TG: variants seen among roughly 807,000 people sequenced by gnomAD.
TG encodes thyroid hormones.
A neutral mutation model predicts 324.7 loss-of-function variants in TG; 270 were observed. The ratio of observed to expected loss-of-function variants is 0.83; its 90% confidence interval spans 0.75 to 0.92. TG has a LOEUF of 0.92. Among genes scored for constraint, TG ranks in the 40% least tolerant of loss-of-function variants. The probability of loss-of-function intolerance (pLI) is 0.00; values close to 1 mark genes in which losing one functional copy is unlikely to be tolerated. For missense variants in TG, 3,591 were observed against 3,456.4 expected, an observed-to-expected ratio of 1.04 and a Z score of -0.98; for synonymous variants, 1,401 against 1,327.0, an observed-to-expected ratio of 1.06 and a Z score of -1.21.
chr8:132,955,040 C>T (rs1194227537), intron 27 of TG, among the ~76,000 whole-genome samples: 2 of 152,158 alleles, frequency 1.3e-5, no homozygotes, highest in Non-Finnish European at 2.9e-5. Context: ...GGCTAGGCAC[C>T]ATCTGCTGGG....
At chr8:133,057,241 A>G (rs920578224) in intron 41 of TG, among the ~76,000 whole-genome samples, 1 of 152,158 alleles carries the variant, frequency 6.6e-6, no homozygotes, top group Non-Finnish European at 1.5e-5. Context: ...AGATCACAGC[A>G]GAGAGACAGA....
intron 35 of TG, among the ~76,000 whole-genome samples, chr8:132,998,626 G>A (rs539974757): frequency 6.6e-6 from 1 of 152,240 alleles, no homozygotes; most frequent in African/African-American, 2.4e-5. Flanking sequence ...ATACCATGGA[G>A]TGGGTGGGAG....
Position 132,888,263 on chromosome 8 carries a change from T to G in TG, c.2456T>G (p.Leu819Arg), listed in dbSNP as rs752511152. 6.2e-7 allele frequency: 1 copy of G among 1,614,228 alleles called. No individual in the cohort carries two copies. Among genetic ancestry groups the G allele is most frequent in the African/African-American group, 1.3e-5 (1 of 75,058 alleles). ...YREAASGNFS[L>R]FIQSLYEAGQ... ...GAAGCAGCTTCCGGAAACTTCAGTC[T>G]CTTTATTCAAAGTCTGTATGAGGCT... The change falls in exon 10 of 48, where the codon CTC becomes CGC. Residue 819 changes from leucine to arginine, a missense_variant. By Grantham distance (102) the Leu-to-Arg change is moderately radical. Transcript: ENST00000220616.
In TG at chr8:132,882,988, C is replaced by A; in HGVS notation, c.1064C>A (p.Pro355Gln). 1 of 1,613,914 alleles carries A rather than the reference C, an allele frequency of 6.2e-7. No homozygotes were observed. Among genetic ancestry groups the A allele is most frequent in the Non-Finnish European group, 8.5e-7 (1 of 1,179,952 alleles). ...CATGGAACCCGGCAGCAAGGGGAGC[C>A]GCCATCTTGTGGTGGGTTTCCTCTG... The part of the protein sequence containing the change: ...EMHGTRQQGE[P>Q]PSCAEGQSCA... The change falls in exon 8 of 48, where the codon CCG becomes CAG. Residue 355 changes from proline to glutamine, a missense_variant. Coordinates refer to ENST00000220616, the MANE Select transcript of TG (RefSeq NM_003235.5).
At chr8:132,997,656 C>G (rs372554303) in intron 35 of TG, among the ~76,000 whole-genome samples, 7 of 151,874 alleles carry the variant, frequency 4.6e-5, no homozygotes, top group African/African-American at 1.5e-4. Flanking sequence ...CATGAAGAGC[C>G]CTTTGAAAAT....
chr8:132,887,865 G>A, intron 9 of TG, 119 bp from the exon 10 acceptor site: 1 of 984,318 alleles, frequency 1.0e-6, no homozygotes, highest in African/African-American at 1.6e-5. Flanking sequence ...AAGCTTCATG[G>A]TATTTCTATG....
At chr8:132,915,822 C>A (rs1820209138) in intron 20 of TG, among the ~76,000 whole-genome samples, 1 of 152,214 alleles carries the variant, frequency 6.6e-6, no homozygotes, top group South Asian at 2.1e-4. Flanking sequence ...CTTCCAGCTG[C>A]TGTAGCCTTT....
Position 132,871,382 on chromosome 8 carries a change from C to T in TG, c.309C>T (p.Ile103=). Residue 103 remains isoleucine (I), a synonymous_variant, in exon 4 of 48, where the codon ATC becomes ATT. Transcript: ENST00000220616. ...LSFCQLQKQQ[I]LLSGYINSTD... is the part of the protein sequence containing the mutation. Reference sequence around the variant, plus strand: ...TTTGTCAGCTACAGAAACAGCAGATCTTACTGAGTGGCTACATTAACAGCA... The same window carrying T: ...TTTGTCAGCTACAGAAACAGCAGATTTTACTGAGTGGCTACATTAACAGCA... 1 of 1,614,224 alleles carries T rather than the reference C, an allele frequency of 6.2e-7. No individual in the cohort carries two copies. Among genetic ancestry groups the T allele is most frequent in the South Asian group, 1.1e-5 (1 of 91,086 alleles).
intron 17 of TG, among the ~76,000 whole-genome samples, 180 bp downstream of exon 17, chr8:132,907,080 G>T (rs922272480): frequency 6.6e-6 from 1 of 152,230 alleles, no homozygotes; most frequent in Non-Finnish European, 1.5e-5. Flanking sequence ...AGGAGCAGAT[G>T]TCCTTCACAG....
At chr8:132,961,212 G>C in intron 28 of TG, 139 bp downstream of exon 28, 1 of 869,910 alleles carries the variant, frequency 1.1e-6, no homozygotes, top group Non-Finnish European at 1.9e-6. Context: ...ACTTTCTGTG[G>C]AATAGAAGGG....
chr8:133,086,047 A>T (rs988846657), intron 41 of TG, among the ~76,000 whole-genome samples: 4 of 152,248 alleles, frequency 2.6e-5, no homozygotes, highest in Admixed American at 1.3e-4. Context: ...CAGCGAAAAG[A>T]TATACACTAC....
chr8:133,133,737 T>C (rs973936299), intron 47 of TG, 77 bp downstream of exon 47: 34 of 1,517,770 alleles, frequency 2.2e-5, no homozygotes, highest in Admixed American at 3.8e-5. Flanking sequence ...ATGAGACCTG[T>C]GCTGCGCGCG....
rs201210798 is a variant in TG, at chr8:132,971,769, C to A, written c.5976-25C>A. Reference sequence around the variant, plus strand: ...TGGGTCACCAGTGAAAACCTTCAGGCCTGCTCTTTCTCTTCCTATGCCAGG... The same window carrying A: ...TGGGTCACCAGTGAAAACCTTCAGGACTGCTCTTTCTCTTCCTATGCCAGG... On this transcript the variant is annotated intron_variant, in intron 32 of 47. Transcript: ENST00000220616. 2.2e-5 allele frequency: 35 copies of A among 1,574,730 alleles called. No homozygotes were observed. The African/African-American group carries it at 3.2e-4, about 15-fold the overall frequency.
chr8:132,929,047 C>T, intron 22 of TG, 29 bp from the exon 23 acceptor site: 2 of 1,595,514 alleles, frequency 1.3e-6, no homozygotes, highest in Non-Finnish European at 1.7e-6. Context: ...CCTTCTGAGT[C>T]AGATTTACTA....
At chr8:133,102,089 C>T (rs1174200744) in intron 43 of TG, among the ~76,000 whole-genome samples, 2 of 152,138 alleles carry the variant, frequency 1.3e-5, no homozygotes, top group Non-Finnish European at 2.9e-5. Flanking sequence ...AATAAATGTT[C>T]GTTCTTTTCC....
At chr8:132,956,032 A>G (rs1448334596) in intron 27 of TG, among the ~76,000 whole-genome samples, 1 of 152,246 alleles carries the variant, frequency 6.6e-6, no homozygotes, top group Admixed American at 6.5e-5. Context: ...AAGAAATGAA[A>G]GTATTTTCTA....
At chr8:132,870,369 C>T (rs1839370784) in intron 3 of TG, among the ~76,000 whole-genome samples, 1 of 147,070 alleles carries the variant, frequency 6.8e-6, no homozygotes, top group Non-Finnish European at 1.5e-5. Flanking sequence ...TGGTTTTATG[C>T]ATCTAGTATG....
intron 41 of TG, among the ~76,000 whole-genome samples, chr8:133,031,105 C>T (rs780490382): frequency 4.6e-5 from 7 of 152,224 alleles, no homozygotes; most frequent in Non-Finnish European, 8.8e-5. Flanking sequence ...ACCTCTGTAT[C>T]CTTTAACAAC....
intron 41 of TG, chr8:133,075,074 A>G (rs1273578739): frequency 4.4e-5 from 43 of 985,342 alleles, no homozygotes; most frequent in Non-Finnish European, 1.6e-5. Context: ...CAGGGCTTGC[A>G]GAAGGGCAGG....
Sources: allele counts gnomAD v4.1 joint callset (sites outside exome capture counted in the v4.1 genomes callset), GRCh38; gene constraint gnomAD v4.1.1; transcripts MANE v1.5; gene names NCBI Gene and HGNC (gene_info 2026-07-23, HGNC 2026-07-21).